The following FGF13 variants were observed in gnomAD, a reference collection of about 807,000 sequenced individuals.
The protein encoded by FGF13 is fibroblast growth factor 13, also known as fibroblast growth factor homologous factor 2.
FGF13 carries 2 observed loss-of-function variants against 19.5 expected under a neutral mutation model. That is an observed-to-expected ratio of 0.10 (90% CI 0.04 to 0.32). The LOEUF (loss-of-function observed/expected upper bound fraction) is 0.32. FGF13 is among the 10% of genes least tolerant of loss of function. FGF13 has a pLI of 1.00. For synonymous variants in FGF13, 72 were observed against 76.9 expected (o/e 0.94, Z 0.33); for missense variants, 113 against 192.7 (o/e 0.59, Z 2.45).
At chrX:139,095,872 G>A (rs972898357) in intron 1 of FGF13, among the ~76,000 whole-genome samples, 1 of 112,012 alleles carries the variant, frequency 8.9e-6, no homozygotes, top group African/African-American at 3.3e-5. Context: ...GTGAGGGGTA[G>A]GGTGCAATGC....
At chrX:139,080,705 T>G (rs1173434439) in intron 1 of FGF13, among the ~76,000 whole-genome samples, 2 of 111,923 alleles carry the variant, frequency 1.8e-5, no homozygotes, top group East Asian at 5.6e-4. Context: ...TCTATTCTCT[T>G]GGATAGTTAT....
At chrX:139,165,310 C>T (rs1168847963) in intron 1 of FGF13, among the ~76,000 whole-genome samples, 1 of 111,414 alleles carries the variant, frequency 9.0e-6, no homozygotes, top group Non-Finnish European at 1.9e-5. Flanking sequence ...AAGTGAGATG[C>T]AAAAGGAAAG....
At chrX:138,868,403 C>T (rs986941547) in intron 1 of FGF13, among the ~76,000 whole-genome samples, 2 of 110,249 alleles carry the variant, frequency 1.8e-5, no homozygotes, top group Middle Eastern at 4.3e-3. Context: ...TTTGCATGCA[C>T]GTGTGTGTGA....
At chrX:138,661,267 C>T (rs1181590405) in intron 3 of FGF13, among the ~76,000 whole-genome samples, 1 of 111,898 alleles carries the variant, frequency 8.9e-6, no homozygotes, top group African/African-American at 3.2e-5. Flanking sequence ...GCAGCATATC[C>T]CTCAAAGATC....
chrX:138,642,017 G>T (rs745999295), intron 3 of FGF13, among the ~76,000 whole-genome samples: 2 of 111,158 alleles, frequency 1.8e-5, no homozygotes, highest in South Asian at 3.8e-4. Context: ...CCAAAAAAGG[G>T]TTAAATGTGG....
At chrX:138,803,440 A>G (rs1448387846) in intron 3 of FGF13, among the ~76,000 whole-genome samples, 1 of 111,993 alleles carries the variant, frequency 8.9e-6, no homozygotes, top group East Asian at 2.8e-4. Context: ...AGTGGGCATC[A>G]TCTCATGTTT....
intron 3 of FGF13, among the ~76,000 whole-genome samples, chrX:138,778,749 C>T (rs1176925567): frequency 8.9e-6 from 1 of 112,448 alleles, no homozygotes; most frequent in East Asian, 2.8e-4. Flanking sequence ...GAGGGGCGCC[C>T]GCCATTGCCC....
chrX:138,943,932 G>A (rs780096882), intron 1 of FGF13, among the ~76,000 whole-genome samples: 1 of 111,305 alleles, frequency 9.0e-6, no homozygotes, highest in Non-Finnish European at 1.9e-5. Context: ...AAGGAGGCTG[G>A]GTACGAATTC....
At chrX:139,143,057 G>C (rs142251461) in intron 1 of FGF13, among the ~76,000 whole-genome samples, 240 of 112,305 alleles carry the variant, frequency 2.1e-3, no homozygotes, top group Non-Finnish European at 2.9e-3. Context: ...ACAGCACACT[G>C]TCAAAGATAG....
At chrX:139,152,038 A>G (rs1460984836) in intron 1 of FGF13, among the ~76,000 whole-genome samples, 1 of 111,580 alleles carries the variant, frequency 9.0e-6, no homozygotes, top group East Asian at 2.8e-4. Context: ...CTTGAGAAAC[A>G]TTAAGATAAG....
At chrX:138,985,135 T>C (rs781467582) in intron 1 of FGF13, 55 of 340,288 alleles carry the variant, frequency 1.6e-4, no homozygotes, top group African/African-American at 1.3e-3. Context: ...CCATTAGGCC[T>C]ATGTGGAAGG....
intron 3 of FGF13, among the ~76,000 whole-genome samples, chrX:138,649,813 G>T (rs1208258534): frequency 8.9e-6 from 1 of 112,391 alleles, no homozygotes; most frequent in African/African-American, 3.2e-5. Context: ...CACAATGCAT[G>T]ATTTCCCTAG....
intron 3 of FGF13, among the ~76,000 whole-genome samples, chrX:138,827,978 T>C (rs770710196): frequency 1.7e-4 from 19 of 111,253 alleles, no homozygotes; most frequent in Non-Finnish European, 3.2e-4. Flanking sequence ...CAGCTACGAG[T>C]TCTTTGTTTT....
chrX:139,203,147 G>GCCTGAGCA (rs1477343243), intron 1 of FGF13, among the ~76,000 whole-genome samples: 5 of 112,100 alleles, frequency 4.5e-5, no homozygotes, highest in Admixed American at 2.8e-4. Flanking sequence ...GTTCTCCCCA[G>GCCTGAGCA]CCTGAGCACC....
intron 1 of FGF13, among the ~76,000 whole-genome samples, chrX:138,960,792 A>C (rs1036806863): frequency 9.0e-6 from 1 of 111,561 alleles, no homozygotes; most frequent in Non-Finnish European, 1.9e-5. Context: ...TCTTCCACTT[A>C]ATCGAATCAG....
intron 1 of FGF13, among the ~76,000 whole-genome samples, chrX:139,145,816 G>C (rs1449800392): frequency 2.7e-5 from 3 of 111,680 alleles, no homozygotes; most frequent in African/African-American, 6.5e-5. Context: ...TTCAACTTTA[G>C]TGGGTCAGGA....
chrX:138,642,549 C>T (rs1447778250), intron 3 of FGF13, among the ~76,000 whole-genome samples: 2 of 111,235 alleles, frequency 1.8e-5, no homozygotes, highest in Admixed American at 9.6e-5. Context: ...TCTGATAATA[C>T]GGGCCCAGAA....
chrX:138,618,342 C>T lies in FGF13; in HGVS notation c.*14508G>A, dbSNP rs1798779896. The T allele has an allele frequency of 9.0e-6, 1 of 111,545 alleles. No homozygotes were observed. Among genetic ancestry groups the T allele is most frequent in the Non-Finnish European group, 1.9e-5 (1 of 53,130 alleles). 9.2% of individuals were successfully genotyped at this position (111,545 alleles called of 1,213,427 possible). On this transcript the variant is annotated 3_prime_UTR_variant, in exon 5 of 5. Coordinates refer to ENST00000315930, the MANE Select transcript of FGF13 (RefSeq NM_004114.5). Reference sequence around the variant, plus strand: ...AAAGGGAGAGTGTAGTAAATGAATGCCTGGCTTTCCTAGCCACGTGGGACA... The same window carrying T: ...AAAGGGAGAGTGTAGTAAATGAATGTCTGGCTTTCCTAGCCACGTGGGACA...
chrX:139,081,096 C>T (rs1392890337), intron 1 of FGF13, among the ~76,000 whole-genome samples: 6 of 111,134 alleles, frequency 5.4e-5, no homozygotes, highest in Admixed American at 1.9e-4. Context: ...TGCTCCAATT[C>T]GTTTCCTCCC....
Sources: allele counts gnomAD v4.1 joint callset (sites outside exome capture counted in the v4.1 genomes callset), GRCh38; gene constraint gnomAD v4.1.1; transcripts MANE v1.5; gene names NCBI Gene and HGNC (gene_info 2026-07-23, HGNC 2026-07-21).